FBL: variants seen among roughly 807,000 people sequenced by gnomAD.
FBL encodes the protein fibrillarin rRNA 2'-O-methyltransferase.
In FBL, 10 loss-of-function variants were observed where a neutral mutation model predicts 42.2. The ratio of observed to expected loss-of-function variants is 0.24; its 90% CI spans 0.15 to 0.40. The LOEUF is 0.40. Ranked by LOEUF, FBL falls within the 10% of genes least tolerant of loss-of-function variation. The probability of loss-of-function intolerance (pLI) is 1.00; values close to 1 mark genes in which losing one functional copy is unlikely to be tolerated. For synonymous variants in FBL, 165 were observed against 165.4 expected (o/e 1.00, Z 0.02); for missense variants, 351 against 439.2 (o/e 0.80, Z 1.79).
At chr19:39,834,593 G>A (rs970533664) in intron 8 of FBL, 31 bp from the exon 9 acceptor site, 1 of 1,614,076 alleles carries the variant, frequency 6.2e-7, no homozygotes, top group Non-Finnish European at 8.5e-7. Context: ...ATGAAGGAGG[G>A]TCCCCAGGAT....
intron 6 of FBL, among the ~76,000 whole-genome samples, chr19:39,836,885 G>A (rs1969058903): frequency 6.6e-6 from 1 of 152,234 alleles, no homozygotes; most frequent in Non-Finnish European, 1.5e-5. Context: ...AACCATGGTT[G>A]CCACCTACTC....
intron 1 of FBL, among the ~76,000 whole-genome samples, chr19:39,842,185 A>G (rs1599659095): frequency 6.6e-6 from 1 of 151,408 alleles, no homozygotes; most frequent in Non-Finnish European, 1.5e-5. Flanking sequence ...TCCCAGGTTC[A>G]CGCCTTTCTC....
intron 1 of FBL, among the ~76,000 whole-genome samples, chr19:39,844,421 C>A (rs959746926): frequency 2.0e-4 from 31 of 152,192 alleles, no homozygotes; most frequent in Non-Finnish European, 3.2e-4. Context: ...AGTACCCAGT[C>A]CTCAGAAAAA....
chr19:39,840,550 C>T lies in FBL; in HGVS notation c.182-35G>A, dbSNP rs774639297. ...AGAGGTACAACAGGAGAGAAAGATC[C>T]TGAATCTCCGCCCTCCCCACTCCCC... On this transcript the variant is annotated intron_variant, in intron 2 of 8. Coordinates refer to ENST00000221801, the MANE Select transcript of FBL (RefSeq NM_001436.4). The surrounding 1 kb of genome is among the most constrained non-coding windows in gnomAD (Gnocchi z 4.5). 4.3e-6 allele frequency: 7 copies of T among 1,613,582 alleles called. No individual in the cohort carries two copies. Among genetic ancestry groups the T allele is most frequent in the Non-Finnish European group, 5.9e-6 (7 of 1,179,672 alleles).
rs756729596 is a variant in FBL at position 39,840,489 on chromosome 19, G to A, written c.208C>T (p.Arg70Trp). Residue 70 changes from arginine to tryptophan, a missense_variant, in exon 3 of 9, where the codon CGG (arginine) becomes TGG (tryptophan). Physicochemically the swap from Arg to Trp is moderately radical, Grantham distance 101. Transcript: ENST00000221801. The surrounding 1 kb of genome is among the most constrained non-coding windows in gnomAD (Gnocchi z 4.5). ...CTTTTTCCTCCCCGACCACGACCCC[G>A]GTTGCCACCAGAATGGAAGCCTCCA... ...GGGGFHSGGNRGRGRGGKRGN... is the reference protein window; with the variant it reads ...GGGGFHSGGNWGRGRGGKRGN... The A allele has an allele frequency of 3.3e-5, 53 of 1,613,810 alleles. No homozygotes were observed. Among genetic ancestry groups the A allele is most frequent in the Admixed American group, 2.3e-4 (14 of 59,980 alleles).
chr19:39,837,936 C>A, intron 5 of FBL, 93 bp from the exon 6 acceptor site: 1 of 1,033,410 alleles, frequency 9.7e-7, no homozygotes, highest in Non-Finnish European at 1.4e-6. Context: ...GCATCTCTTC[C>A]AACCCCCAAA....
rs1599657675 is a variant in FBL at position 39,840,360 on chromosome 19, C to T, written c.284-33G>A. On this transcript the variant is annotated intron_variant, in intron 3 of 8. Transcript: ENST00000221801. This position sits in a 1 kb window ranked among gnomAD's most constrained non-coding sequence, Gnocchi z 4.5. ...AGGGGATCAGAGCAGGGGTGAGGAC[C>T]CCCAGCCTCTCCCTGCCCCGAAGCT... The T allele has an allele frequency of 6.2e-7, 1 of 1,608,498 alleles. No individual in the cohort carries two copies. Among genetic ancestry groups the T allele is most frequent in the African/African-American group, 1.3e-5 (1 of 74,784 alleles).
intron 7 of FBL, among the ~76,000 whole-genome samples, chr19:39,835,246 C>T (rs1283956462): frequency 3.9e-5 from 6 of 152,204 alleles, no homozygotes; most frequent in Non-Finnish European, 7.3e-5. Context: ...TAAGGCTGGG[C>T]GTGGTGGCTC....
intron 4 of FBL, among the ~76,000 whole-genome samples, chr19:39,839,926 T>G: frequency 6.7e-6 from 1 of 148,556 alleles, no homozygotes. Context: ...GAGCTGGGAG[T>G]GGGAACAGCA....
chr19:39,846,357 C>CG lies in FBL; in HGVS notation c.-58dup. On this transcript the variant is annotated 5_prime_UTR_variant, in exon 1 of 9. Coordinates refer to ENST00000221801, the MANE Select transcript of FBL (RefSeq NM_001436.4). The stretch of plus-strand genomic sequence containing the variant: ...CGCGGCGTTCACAACTCCACGAGTC[C>CG]GGGGCTTTCGCACGTGGAAAAGAGC... 1 of 1,605,118 alleles carries CG rather than the reference C, an allele frequency of 6.2e-7. No homozygotes were observed. The highest frequency in any genetic ancestry group is 8.5e-7 in the Non-Finnish European group (1 of 1,175,534).
chr19:39,834,886 G>C (rs988778176), intron 7 of FBL, 73 bp from the exon 8 acceptor site: 2 of 1,485,358 alleles, frequency 1.3e-6, no homozygotes, highest in East Asian at 4.5e-5. Context: ...CTTTAAACCA[G>C]ATGTTTTCAT....
At chr19:39,837,913 T>C in intron 5 of FBL, 70 bp from the exon 6 acceptor site, 1 of 1,290,252 alleles carries the variant, frequency 7.8e-7, no homozygotes, top group Non-Finnish European at 1.1e-6. Context: ...TTTAGGCCCA[T>C]ACACTATACA....
At chr19:39,846,102 C>T (rs750460670) in intron 1 of FBL, among the ~76,000 whole-genome samples, 189 bp downstream of exon 1, 5 of 152,336 alleles carry the variant, frequency 3.3e-5, no homozygotes, top group Non-Finnish European at 7.4e-5. Context: ...GACTCACGAC[C>T]GTGACCTCTG....
At position 39,834,785 on chromosome 19, in the gene FBL, G is replaced by A. The variant is rs1170530739; in HGVS notation, c.824C>T (p.Ala275Val). The change falls in exon 8 of 9, where the codon GCC becomes GTC. Residue 275 changes from alanine to valine, a missense_variant. Physicochemically the swap from Ala to Val is moderately conservative, Grantham distance 64 (BLOSUM62 0). Coordinates refer to ENST00000221801, the MANE Select transcript of FBL (RefSeq NM_001436.4). ...KANCIDSTAS[A>V]EAVFASEVKK... is the part of the protein sequence containing the mutation. ...CACTTCGGAGGCAAACACGGCCTCG[G>A]CTGAGGCTGTGGAGTCAATGCAGTT... 6 of 1,614,218 alleles carry A rather than the reference G, an allele frequency of 3.7e-6. No individual in the cohort carries two copies. Among genetic ancestry groups the A allele is most frequent in the Non-Finnish European group, 5.1e-6 (6 of 1,180,024 alleles).
rs763106447 is a variant in FBL at position 39,834,784 on chromosome 19, G to C, written c.825C>G (p.Ala275=). 2 of 1,614,158 alleles carry C rather than the reference G, an allele frequency of 1.2e-6. No individual in the cohort carries two copies. The highest frequency in any genetic ancestry group is 2.2e-5 in the South Asian group (2 of 91,086). The change falls in exon 8 of 9, where the codon GCC becomes GCG. Residue 275 remains alanine (A), a synonymous_variant. Transcript: ENST00000221801. ...KANCIDSTAS[A]EAVFASEVKK... is the part of the protein sequence containing the mutation. ...TCACTTCGGAGGCAAACACGGCCTC[G>C]GCTGAGGCTGTGGAGTCAATGCAGT...
intron 7 of FBL, among the ~76,000 whole-genome samples, chr19:39,835,807 TC>T (rs1969034064): frequency 6.6e-6 from 1 of 152,108 alleles, no homozygotes; most frequent in African/African-American, 2.4e-5. Context: ...ACGCCTGTAG[TC>T]CCAGCTACTT....
chr19:39,834,506 C>G lies in FBL; in HGVS notation c.*32G>C, dbSNP rs752550516. The G allele has an allele frequency of 6.2e-7, 1 of 1,613,536 alleles. No individual in the cohort carries two copies. The highest frequency in any genetic ancestry group is 8.5e-7 in the Non-Finnish European group (1 of 1,179,486). On this transcript the variant is annotated 3_prime_UTR_variant, in exon 9 of 9. Transcript: ENST00000221801. ...AAACACACGTGCAACAGTATCAACA[C>G]ACATCTCTCGCAATCCTGACAGCGC...
chr19:39,845,597 C>A (rs1022025315), intron 1 of FBL, among the ~76,000 whole-genome samples: 3 of 152,154 alleles, frequency 2.0e-5, no homozygotes, highest in Non-Finnish European at 4.4e-5. Context: ...AAACTACTTA[C>A]CTCCTGTGAC....
At chr19:39,846,158 TC>T in intron 1 of FBL, 132 bp downstream of exon 1, 1 of 1,051,738 alleles carries the variant, frequency 9.5e-7, no homozygotes, top group Non-Finnish European at 1.4e-6. Flanking sequence ...GAATCCCCCT[TC>T]CCACAGGAGA....
Sources: allele counts gnomAD v4.1 joint callset (sites outside exome capture counted in the v4.1 genomes callset), GRCh38; gene constraint gnomAD v4.1.1; non-coding constraint Gnocchi (gnomAD v3.1); transcripts MANE v1.5; gene names NCBI Gene and HGNC (gene_info 2026-07-23, HGNC 2026-07-21).